CYBB: variants seen among roughly 807,000 people sequenced by gnomAD.
CYBB encodes cytochrome b-245 beta chain.
In CYBB, 5 loss-of-function variants were observed where a neutral mutation model predicts 46.5. The observed-to-expected ratio is 0.11, with a 90% CI of 0.06 to 0.23. The LOEUF (loss-of-function observed/expected upper bound fraction) is 0.23. CYBB is among the 10% of genes least tolerant of loss of function. The probability of loss-of-function intolerance (pLI) is 1.00; values close to 1 mark genes in which losing one functional copy is unlikely to be tolerated. For synonymous variants in CYBB, 183 were observed against 156.7 expected (o/e 1.17, Z -1.26); for missense variants, 307 against 428.3 (o/e 0.72, Z 2.50).
intron 3 of CYBB, among the ~76,000 whole-genome samples, chrX:37,785,865 C>A (rs1556465414): frequency 9.0e-6 from 1 of 111,716 alleles, no homozygotes; most frequent in Non-Finnish European, 1.9e-5. Context: ...CCAAATTTCA[C>A]TGCCGGTGAG....
At chrX:37,789,128 C>T (rs1478082188) in intron 3 of CYBB, among the ~76,000 whole-genome samples, 1 of 111,399 alleles carries the variant, frequency 9.0e-6, no homozygotes, top group African/African-American at 3.3e-5. Flanking sequence ...CATTCCCTGC[C>T]ACATGCCCTC....
At chrX:37,780,265 A>C (rs1928921546) in intron 1 of CYBB, 143 bp downstream of exon 1, 1 of 508,763 alleles carries the variant, frequency 2.0e-6, no homozygotes, top group Non-Finnish European at 3.4e-6. Flanking sequence ...ATCTGTAAAC[A>C]GACTGAGTCC....
Position 37,793,741 on chromosome X carries a change from A to G in CYBB, c.414A>G (p.Ser138=), listed in dbSNP as rs1602179038. 11 of 1,207,651 alleles carry G rather than the reference A, an allele frequency of 9.1e-6. No homozygotes were observed. Among genetic ancestry groups the G allele is most frequent in the Non-Finnish European group, 1.1e-5 (10 of 892,212 alleles). Residue 138 remains serine, a synonymous_variant, in exon 5 of 13, where the codon TCA becomes TCG. Coordinates refer to ENST00000378588, the MANE Select transcript of CYBB (RefSeq NM_000397.4). ...NARVNNSDPY[S]VALSELGDRQ... ...GAGTCAATAATTCTGATCCTTATTC[A>G]GTAGCACTCTCTGAACTTGGAGACA...
intron 12 of CYBB, 55 bp downstream of exon 12, chrX:37,809,746 G>A: frequency 8.6e-7 from 1 of 1,159,022 alleles, no homozygotes; most frequent in Non-Finnish European, 1.2e-6. Flanking sequence ...TAAAGCGGCA[G>A]CCCCTATACA....
intron 3 of CYBB, among the ~76,000 whole-genome samples, chrX:37,785,244 G>A (rs180959555): frequency 8.9e-6 from 1 of 112,231 alleles, no homozygotes; most frequent in Non-Finnish European, 1.9e-5. Flanking sequence ...AATTTAAGAT[G>A]TTCCAGAAAG....
At chrX:37,800,094 G>A (rs782703012) in intron 7 of CYBB, among the ~76,000 whole-genome samples, 67 of 111,371 alleles carry the variant, frequency 6.0e-4, no homozygotes, top group Admixed American at 1.6e-3. Context: ...GACATCAATA[G>A]AAAGGATAAA....
At chrX:37,783,786 T>G (rs1444670565) in intron 3 of CYBB, among the ~76,000 whole-genome samples, 186 bp downstream of exon 3, 3 of 110,126 alleles carry the variant, frequency 2.7e-5, no homozygotes, top group Non-Finnish European at 5.7e-5. Context: ...GACAACTATT[T>G]GGAAAACAAA....
At chrX:37,787,826 A>G (rs1929103957) in intron 3 of CYBB, among the ~76,000 whole-genome samples, 1 of 111,408 alleles carries the variant, frequency 9.0e-6, no homozygotes, top group African/African-American at 3.3e-5. Context: ...TTAAAAGCCC[A>G]GTATCAGCAT....
intron 4 of CYBB, among the ~76,000 whole-genome samples, chrX:37,793,219 G>A (rs1345337474): frequency 9.3e-6 from 1 of 108,099 alleles, no homozygotes; most frequent in Non-Finnish European, 1.9e-5. Flanking sequence ...TCTCTCTCTG[G>A]AGGTAATTTC....
rs781936827 is a variant in CYBB at position 37,793,665 on chromosome X, C to T, written c.338C>T (p.Ala113Val). 3 of 1,205,340 alleles carry T rather than the reference C, an allele frequency of 2.5e-6. No homozygotes were observed. Among genetic ancestry groups the T allele is most frequent in the African/African-American group, 3.5e-5 (2 of 56,712 alleles). ...MVAWMIALHS[A>V]IHTIAHLFNV... ...TGTTTCTCTTCTCTGCCCTTTTCAG[C>T]GATTCACACCATTGCACATCTATTT... Residue 113 changes from alanine to valine, a missense_variant and splice_region_variant, in exon 5 of 13, where the codon GCG becomes GTG. By Grantham distance (64) the Ala-to-Val change is moderately conservative (BLOSUM62 0). This residue lies in a region of CYBB where 103 missense variants were observed against 150.2 expected (regional missense o/e 0.69). Coordinates refer to ENST00000378588, the MANE Select transcript of CYBB (RefSeq NM_000397.4).
At chrX:37,806,292 A>G (rs1466866646) in intron 10 of CYBB, 95 bp from the exon 11 acceptor site, 10 of 935,742 alleles carry the variant, frequency 1.1e-5, no homozygotes, top group East Asian at 3.1e-5. Context: ...CTGAGCATCA[A>G]GAAAAAGTTT....
At chrX:37,790,239 T>C (rs1280131473) in intron 3 of CYBB, among the ~76,000 whole-genome samples, 1 of 112,201 alleles carries the variant, frequency 8.9e-6, no homozygotes, top group Non-Finnish European at 1.9e-5. Context: ...CACTCTTCAT[T>C]AATTTCCTTC....
chrX:37,802,391 A>C (rs782456919), intron 8 of CYBB, among the ~76,000 whole-genome samples: 2 of 111,805 alleles, frequency 1.8e-5, no homozygotes, highest in Admixed American at 1.9e-4. Context: ...TTTAAGGAAA[A>C]CTTGTTTTCC....
chrX:37,784,648 T>C (rs782620861), intron 3 of CYBB, among the ~76,000 whole-genome samples: 1 of 111,848 alleles, frequency 8.9e-6, no homozygotes, highest in East Asian at 2.8e-4. Context: ...ATTGGTGTCC[T>C]GGTGGGACCA....
At chrX:37,789,869 G>C (rs1030724208) in intron 3 of CYBB, among the ~76,000 whole-genome samples, 20 of 112,029 alleles carry the variant, frequency 1.8e-4, no homozygotes, top group African/African-American at 6.5e-4. Context: ...CCAATGCATT[G>C]GTGCTCCACC....
chrX:37,799,434 G>A (rs1202033864), intron 7 of CYBB, among the ~76,000 whole-genome samples: 3 of 111,701 alleles, frequency 2.7e-5, no homozygotes, highest in Non-Finnish European at 5.7e-5. Context: ...GAGTTGGATA[G>A]CTCAAATAAA....
At chrX:37,786,438 A>C (rs1261720653) in intron 3 of CYBB, among the ~76,000 whole-genome samples, 1 of 111,958 alleles carries the variant, frequency 8.9e-6, no homozygotes, top group Non-Finnish European at 1.9e-5. Flanking sequence ...AGTAACCTAG[A>C]CTAGAAATGA....
rs1929374443 is a variant in CYBB, at chrX:37,798,941, C to T, written c.675-14C>T. On this transcript the variant is annotated splice_polypyrimidine_tract_variant and intron_variant, in intron 6 of 12. Transcript: ENST00000378588. ...CCTATTACTAAATGATCTGGACTTA[C>T]ATTTTTCACCCAGACGAATTGTACG... The T allele has an allele frequency of 1.7e-6, 2 of 1,197,893 alleles. No individual in the cohort carries two copies. Among genetic ancestry groups the T allele is most frequent in the Non-Finnish European group, 2.3e-6 (2 of 886,773 alleles).
chrX:37,799,760 G>A (rs1929397985), intron 7 of CYBB, among the ~76,000 whole-genome samples: 1 of 111,411 alleles, frequency 9.0e-6, no homozygotes, highest in African/African-American at 3.3e-5. Flanking sequence ...AGTAAGATGT[G>A]GGCCTTGTAA....
Sources: gnomAD v4.1 joint callset for allele counts (sites outside exome capture counted in the v4.1 genomes callset) on GRCh38, gnomAD v4.1.1 for gene constraint, gnomAD v4.1.1 regional missense constraint, MANE v1.5 for transcripts, NCBI Gene and HGNC (gene_info 2026-07-23, HGNC 2026-07-21) for gene names.